IL17RE: variants seen among roughly 807,000 people sequenced by gnomAD.
IL17RE encodes interleukin 17 receptor E.
IL17RE carries 47 observed loss-of-function variants against 70.7 expected under a neutral mutation model. That is an observed-to-expected ratio of 0.67 (90% CI 0.53 to 0.85). IL17RE has a LOEUF of 0.85. Among genes scored for constraint, IL17RE ranks in the 40% least tolerant of loss-of-function variants. The pLI is 0.00. For missense variants in IL17RE, 850 were observed against 893.9 expected (o/e 0.95, Z 0.63); for synonymous variants, 372 against 381.2 (o/e 0.98, Z 0.28).
chr3:9,911,729 T>C (rs1031644979), intron 12 of IL17RE, 132 bp downstream of exon 12: 2 of 847,346 alleles, frequency 2.4e-6, no homozygotes, highest in Non-Finnish European at 3.6e-6. Context: ...TTTACTTTAT[T>C]TACGTGATCA....
chr3:9,911,417 C>T, intron 11 of IL17RE, 26 bp from the exon 12 acceptor site: 2 of 1,613,294 alleles, frequency 1.2e-6, no homozygotes, highest in Non-Finnish European at 1.7e-6. Context: ...CAACTCCTAT[C>T]AACACCCCCA....
rs894790418 is a variant in IL17RE at position 9,908,499 on chromosome 3, T to C, written c.735+192T>C. ...AGAGGTGGAAGGGTGCTGCTGAACATTGGACCTTCTTAGGGTGATTCCAAC... is the reference window on the plus strand; with the variant it reads ...AGAGGTGGAAGGGTGCTGCTGAACACTGGACCTTCTTAGGGTGATTCCAAC... On this transcript the variant is annotated intron_variant, in intron 7 of 15. Transcript: ENST00000383814. Among the ~76,000 whole-genome samples the C allele has an allele frequency of 3.3e-5, 5 of 152,220 alleles. No individual in the cohort carries two copies. The East Asian group carries it at 5.8e-4, about 18-fold the overall frequency.
rs886553232 is a variant in IL17RE at position 9,914,423 on chromosome 3, A to G, written c.1297-125A>G. 5 of 1,526,578 alleles carry G rather than the reference A, an allele frequency of 3.3e-6. No individual in the cohort carries two copies. In the East Asian group the frequency reaches 6.8e-5, roughly 21 times the overall value. The allele number at this position is 1,526,578 out of a possible 1,614,324, so 94.6% of individuals were successfully genotyped here. Reference sequence around the variant, plus strand: ...CCAGGCTAGCAGCTGGAGCAGACACAAACCCACCTGGGAAGAATTCCCTAG... The same window carrying G: ...CCAGGCTAGCAGCTGGAGCAGACACGAACCCACCTGGGAAGAATTCCCTAG... On this transcript the variant is annotated intron_variant, in intron 13 of 15. Coordinates refer to ENST00000383814, the MANE Select transcript of IL17RE (RefSeq NM_153480.2).
At chr3:9,902,774 T>C, upstream of IL17RE, 1 of 1,541,376 alleles carries the variant, frequency 6.5e-7, no homozygotes, top group Admixed American at 2.0e-5. Context: ...CCTGGCTGGC[T>C]GGTTGGGATC....
At chr3:9,907,862 C>T (rs2082796490) in intron 6 of IL17RE, among the ~76,000 whole-genome samples, 1 of 152,122 alleles carries the variant, frequency 6.6e-6, no homozygotes, top group South Asian at 2.1e-4. Flanking sequence ...TTTGCAGGGA[C>T]TGCTGTTGAA....
intron 6 of IL17RE, among the ~76,000 whole-genome samples, chr3:9,907,407 T>C (rs2082785504): frequency 6.6e-6 from 1 of 151,556 alleles, no homozygotes; most frequent in African/African-American, 2.4e-5. Flanking sequence ...ATTAATTAAT[T>C]AAATTAAATT....
chr3:9,906,535 C>A, intron 4 of IL17RE, 74 bp downstream of exon 4: 2 of 1,393,522 alleles, frequency 1.4e-6, no homozygotes, highest in South Asian at 1.2e-5. Flanking sequence ...ATTTGGTTCT[C>A]CAGCCATGTG....
At chr3:9,905,751 C>T (rs1442796300) in intron 3 of IL17RE, among the ~76,000 whole-genome samples, 2 of 151,392 alleles carry the variant, frequency 1.3e-5, no homozygotes, top group Non-Finnish European at 2.9e-5. Context: ...AGCCAGGAGG[C>T]GGAGATTGCA....
intron 6 of IL17RE, among the ~76,000 whole-genome samples, chr3:9,907,548 C>T (rs1214799835): frequency 1.3e-5 from 2 of 152,050 alleles, no homozygotes; most frequent in Admixed American, 6.6e-5. Flanking sequence ...GGTATTTACC[C>T]CCAATGAGAG....
chr3:9,909,158 C>T, intron 7 of IL17RE, 59 bp from the exon 8 acceptor site: 1 of 1,405,344 alleles, frequency 7.1e-7, no homozygotes, highest in Non-Finnish European at 1.0e-6. Flanking sequence ...AGTTTTAGGT[C>T]TGAGTGAGAT....
chr3:9,903,521 A>G, intron 2 of IL17RE, 109 bp downstream of exon 2: 1 of 1,207,790 alleles, frequency 8.3e-7, no homozygotes, highest in Non-Finnish European at 1.2e-6. Flanking sequence ...AAGTAGCACA[A>G]TATCAAGGAA....
Position 9,911,454 on chromosome 3 carries a change from T to C in IL17RE, c.1084T>C (p.Ser362Pro). The part of the protein sequence containing the change: ...ECPHQTGSLT[S>P]WNVSMDTQAQ... ...CCCGCCCCAAACAGGGTCTCTCACA[T>C]CCTGGAATGTAAGCATGGATACCCA... The change falls in exon 12 of 16, where the codon TCC (serine) becomes CCC (proline). Residue 362 changes from serine to proline, a missense_variant. Transcript: ENST00000383814. 6.2e-7 allele frequency: 1 copy of C among 1,614,068 alleles called. No homozygotes were observed. Among genetic ancestry groups the C allele is most frequent in the Non-Finnish European group, 8.5e-7 (1 of 1,180,010 alleles).
chr3:9,908,953 C>T (rs1384348839), intron 7 of IL17RE, among the ~76,000 whole-genome samples: 2 of 152,104 alleles, frequency 1.3e-5, no homozygotes, highest in Admixed American at 6.6e-5. Flanking sequence ...CTGAGGAATG[C>T]GACCTCAGGA....
chr3:9,910,729 A>C, intron 8 of IL17RE, 136 bp from the exon 9 acceptor site: 1 of 678,452 alleles, frequency 1.5e-6, no homozygotes, highest in South Asian at 1.9e-5. Flanking sequence ...ATGCTCATTG[A>C]TTTAGTACCT....
intron 4 of IL17RE, 90 bp downstream of exon 4, chr3:9,906,551 G>T: frequency 1.5e-6 from 2 of 1,375,364 alleles, no homozygotes; most frequent in Admixed American, 3.5e-5. Context: ...ATGTGAGACA[G>T]AAAGTGTGGA....
Position 9,909,294 on chromosome 3 carries a change from T to G in IL17RE, c.802+11T>G. The G allele has an allele frequency of 6.2e-7, 1 of 1,611,410 alleles. No homozygotes were observed. The highest frequency in any genetic ancestry group is 8.5e-7 in the Non-Finnish European group (1 of 1,177,738). On this transcript the variant is annotated intron_variant, in intron 8 of 15. Coordinates refer to ENST00000383814, the MANE Select transcript of IL17RE (RefSeq NM_153480.2). ...GCTGGCCAGAAGCCTGTGAGTGCTG[T>G]TGACACGCACCCTTGTGCACACACA...
Position 9,911,453 on chromosome 3 carries a change from A to T in IL17RE, c.1083A>T (p.Thr361=). ...CCCCGCCCCAAACAGGGTCTCTCAC[A>T]TCCTGGAATGTAAGCATGGATACCC... ...VECPHQTGSL[T]SWNVSMDTQA... Residue 361 remains threonine, a synonymous_variant, in exon 12 of 16, where the codon ACA becomes ACT. Coordinates refer to ENST00000383814, the MANE Select transcript of IL17RE (RefSeq NM_153480.2). The T allele has an allele frequency of 6.2e-7, 1 of 1,613,970 alleles. No homozygotes were observed. The highest frequency in any genetic ancestry group is 8.5e-7 in the Non-Finnish European group (1 of 1,179,978).
intron 14 of IL17RE, 28 bp from the exon 15 acceptor site, chr3:9,914,650 TG>T: frequency 6.2e-7 from 1 of 1,613,276 alleles, no homozygotes; most frequent in South Asian, 1.1e-5. Flanking sequence ...ACTGAGGAAC[TG>T]GGCTTGGCCT....
Position 9,903,070 on chromosome 3 carries a change from G to T in IL17RE, c.132+6G>T, listed in dbSNP as rs200713368. 11 of 1,612,452 alleles carry T rather than the reference G, an allele frequency of 6.8e-6. No homozygotes were observed. Among genetic ancestry groups the T allele is most frequent in the Non-Finnish European group, 8.5e-6 (10 of 1,178,614 alleles). ...GTCCTCTGGCCTCCCACACGGTAAGGTGCTGCTGCCAGGTAGGGACACCTG... is the reference window on the plus strand; with the variant it reads ...GTCCTCTGGCCTCCCACACGGTAAGTTGCTGCTGCCAGGTAGGGACACCTG... On this transcript the variant is annotated splice_donor_region_variant and intron_variant, in intron 1 of 15. Transcript: ENST00000383814.
Sources: allele counts gnomAD v4.1 joint callset (sites outside exome capture counted in the v4.1 genomes callset), GRCh38; gene constraint gnomAD v4.1.1; transcripts MANE v1.5; gene names NCBI Gene and HGNC (gene_info 2026-07-23, HGNC 2026-07-21).